The following DOCK4 variants were observed in gnomAD, a reference collection of about 807,000 sequenced individuals.
The protein encoded by DOCK4 is dedicator of cytokinesis protein 4.
A neutral mutation model predicts 268.1 loss-of-function variants in DOCK4; 97 were observed. That is an observed-to-expected ratio of 0.36 (90% CI 0.31 to 0.43). The LOEUF is 0.43. Among genes scored for constraint, DOCK4 ranks in the 20% least tolerant of loss-of-function variants. DOCK4 has a pLI of 1.00. For synonymous variants in DOCK4, 954 were observed against 887.2 expected (o/e 1.08, Z -1.34); for missense variants, 2,145 against 2,455.7 (o/e 0.87, Z 2.67).
At chr7:111,847,636 G>A (rs996383808) in intron 23 of DOCK4, among the ~76,000 whole-genome samples, 1 of 152,156 alleles carries the variant, frequency 6.6e-6, no homozygotes, top group Non-Finnish European at 1.5e-5. Context: ...TAGTGAATAT[G>A]TCTCACAAGA....
intron 42 of DOCK4, 62 bp downstream of exon 42, chr7:111,755,453 G>A (rs902740861): frequency 2.1e-5 from 31 of 1,502,144 alleles, no homozygotes; most frequent in African/African-American, 2.8e-5. Context: ...ATGAATATAC[G>A]GCACAACTCC....
intron 10 of DOCK4, among the ~76,000 whole-genome samples, chr7:111,943,751 T>C (rs1417923436): frequency 6.6e-6 from 1 of 152,122 alleles, no homozygotes; most frequent in Non-Finnish European, 1.5e-5. Flanking sequence ...GTCCTTCAAA[T>C]ACAAAAATAG....
At chr7:111,763,797 G>A (rs73432088) in intron 39 of DOCK4, among the ~76,000 whole-genome samples, 8,680 of 152,210 alleles carry the variant, frequency 0.057, 705 homozygotes, top group African/African-American at 0.18. Flanking sequence ...GCTCATAACA[G>A]CTTGGGATCA....
chr7:112,038,754 C>T (rs945011393), intron 1 of DOCK4, among the ~76,000 whole-genome samples: 2 of 152,224 alleles, frequency 1.3e-5, no homozygotes, highest in East Asian at 3.8e-4. Flanking sequence ...AGAAGTCAAA[C>T]TCTGTTTGGT....
At chr7:112,186,536 C>T (rs1819508636) in intron 1 of DOCK4, among the ~76,000 whole-genome samples, 1 of 152,182 alleles carries the variant, frequency 6.6e-6, no homozygotes, top group South Asian at 2.1e-4. Context: ...ATGACCTTGG[C>T]ATAGGGCCTG....
chr7:112,046,841 GCCCAT>G (rs1413865861), intron 1 of DOCK4, among the ~76,000 whole-genome samples: 1 of 152,146 alleles, frequency 6.6e-6, no homozygotes, highest in Non-Finnish European at 1.5e-5. Context: ...CCAAAATAGA[GCCCAT>G]CCAACTCCCT....
rs189310986 is a variant in DOCK4 at position 111,948,848 on chromosome 7, T to C, written c.702-3050A>G. Among the ~76,000 whole-genome samples, 932 of 151,298 alleles carry C rather than the reference T, an allele frequency of 6.2e-3. 12 individuals carry two copies. Among genetic ancestry groups the C allele is most frequent in the African/African-American group, 0.022 (896 of 41,202 alleles). ...GACCTCAGGTGGCCTCCCAAAGTGC[T>C]GGGATTACAAGTGTGAGCCACTGCG... On this transcript the variant is annotated intron_variant, in intron 8 of 52. Transcript: ENST00000428084.
intron 1 of DOCK4, among the ~76,000 whole-genome samples, chr7:112,106,763 C>A (rs1047051071): frequency 6.6e-6 from 1 of 152,054 alleles, no homozygotes; most frequent in African/African-American, 2.4e-5. Flanking sequence ...GATTCCTGTG[C>A]GGATTTAGGA....
intron 8 of DOCK4, among the ~76,000 whole-genome samples, chr7:111,963,378 G>A (rs1345284333): frequency 7.8e-6 from 1 of 128,252 alleles, no homozygotes; most frequent in African/African-American, 3.6e-5. Flanking sequence ...AGCAGGGCGA[G>A]GCATTGCCTC....
intron 4 of DOCK4, 126 bp from the exon 5 acceptor site, chr7:111,994,357 AG>A: frequency 3.6e-6 from 2 of 550,388 alleles, no homozygotes; most frequent in Non-Finnish European, 6.3e-6. Flanking sequence ...GACAGTAACC[AG>A]GATCTGGTTA....
chr7:111,763,566 T>TA (rs1451305670), intron 39 of DOCK4, among the ~76,000 whole-genome samples: 1 of 152,252 alleles, frequency 6.6e-6, no homozygotes, highest in Non-Finnish European at 1.5e-5. Context: ...AAACTACTTC[T>TA]AATTTTTTAA....
At chr7:111,789,474 T>C (rs1051766416) in intron 31 of DOCK4, among the ~76,000 whole-genome samples, 3 of 152,214 alleles carry the variant, frequency 2.0e-5, no homozygotes, top group Non-Finnish European at 2.9e-5. Context: ...GATTAGGGAC[T>C]GGGAGGAATA....
chr7:112,105,525 G>T (rs1365106663), intron 1 of DOCK4, among the ~76,000 whole-genome samples: 5 of 150,854 alleles, frequency 3.3e-5, no homozygotes, highest in Admixed American at 6.6e-5. Flanking sequence ...CGTTTCAAAT[G>T]TGGTTTATGC....
At chr7:111,840,910 C>G (rs1229250835) in intron 25 of DOCK4, 2 of 1,194,682 alleles carry the variant, frequency 1.7e-6, no homozygotes, top group South Asian at 2.4e-5. Context: ...GATCTTCAGT[C>G]TCCAGAGAAT....
intron 7 of DOCK4, among the ~76,000 whole-genome samples, chr7:111,983,847 C>CGCGCGCGTGCGCGCGCGCGCGT (rs1562961008): frequency 1.3e-5 from 1 of 77,936 alleles, no homozygotes; most frequent in African/African-American, 5.5e-5. Context: ...CACACACACG[C>CGCGCGCGTGCGCGCGCGCGCGT]GCGCGCGCGC....
At chr7:112,078,636 G>A (rs918040381) in intron 1 of DOCK4, among the ~76,000 whole-genome samples, 3 of 152,134 alleles carry the variant, frequency 2.0e-5, no homozygotes, top group Non-Finnish European at 4.4e-5. Flanking sequence ...AAGCTGAAAT[G>A]GTCAAACAAT....
At chr7:111,902,659 A>G (rs1291017074) in intron 13 of DOCK4, among the ~76,000 whole-genome samples, 2 of 151,664 alleles carry the variant, frequency 1.3e-5, no homozygotes, top group Non-Finnish European at 2.9e-5. Context: ...GCACAACTAG[A>G]AAGTTTTTAA....
chr7:111,794,210 T>A (rs1005725301), intron 30 of DOCK4, among the ~76,000 whole-genome samples: 3 of 151,982 alleles, frequency 2.0e-5, no homozygotes, highest in Non-Finnish European at 4.4e-5. Flanking sequence ...TTAAATGATA[T>A]CAAATTTATA....
intron 1 of DOCK4, among the ~76,000 whole-genome samples, chr7:112,087,312 C>T (rs1809185354): frequency 6.6e-6 from 1 of 152,056 alleles, no homozygotes; most frequent in Admixed American, 6.6e-5. Context: ...AATACATACC[C>T]CTGTTTTTAT....
Sources: allele counts gnomAD v4.1 joint callset (sites outside exome capture counted in the v4.1 genomes callset), GRCh38; gene constraint gnomAD v4.1.1; transcripts MANE v1.5; gene names NCBI Gene and HGNC (gene_info 2026-07-23, HGNC 2026-07-21).